ADAM19: variants seen among roughly 807,000 people sequenced by gnomAD.
ADAM19 encodes the protein disintegrin and metalloproteinase domain-containing protein 19.
ADAM19 carries 65 observed loss-of-function variants against 114.7 expected under a neutral mutation model. The observed-to-expected ratio is 0.57, with a 90% CI of 0.46 to 0.70. The LOEUF is 0.70. Ranked by LOEUF, ADAM19 falls within the 30% of genes least tolerant of loss-of-function variation. The probability of loss-of-function intolerance (pLI) is 0.00; values close to 1 mark genes in which losing one functional copy is unlikely to be tolerated. For missense variants in ADAM19, 1,063 were observed against 1,204.7 expected, an observed-to-expected ratio of 0.88 and a Z score of 1.74; for synonymous variants, 466 against 460.5, an observed-to-expected ratio of 1.01 and a Z score of -0.15.
chr5:157,575,730 C>G lies in ADAM19; in HGVS notation c.-34G>C. Reference sequence around the variant, plus strand: ...CGGCCCTTAGCGCTCGGCGCTCACACGCCCTCAGCCATACCTGCCCACTGC... The same window carrying G: ...CGGCCCTTAGCGCTCGGCGCTCACAGGCCCTCAGCCATACCTGCCCACTGC... On this transcript the variant is annotated 5_prime_UTR_variant, in exon 1 of 23. Coordinates refer to ENST00000257527, the MANE Select transcript of ADAM19 (RefSeq NM_033274.5). 1 of 1,283,582 alleles carries G rather than the reference C, an allele frequency of 7.8e-7. No individual in the cohort carries two copies. Among genetic ancestry groups the G allele is most frequent in the Non-Finnish European group, 9.9e-7 (1 of 1,014,086 alleles). 79.5% of individuals were successfully genotyped at this position (1,283,582 alleles called of 1,614,324 possible). A position where few individuals can be genotyped will look rare whatever the true frequency, so the allele number is the denominator to read the frequency against.
In ADAM19 at chr5:157,567,109, A is replaced by C. The variant is rs180689522; in HGVS notation, c.181-2666T>G. On this transcript the variant is annotated intron_variant, in intron 2 of 22. Transcript: ENST00000257527. ...ACCTGTTCTGCCACCTCTGGTTAGA[A>C]GCCTACCTCGTCTAAGCACATTCCC... 1.4e-3 allele frequency among the ~76,000 whole-genome samples: 210 copies of C among 152,320 alleles called. No individual in the cohort carries two copies. In the Middle Eastern group the frequency reaches 0.02, roughly 15 times the overall value.
intron 21 of ADAM19, among the ~76,000 whole-genome samples, chr5:157,487,670 G>A (rs1393705516): frequency 6.6e-6 from 1 of 152,244 alleles, no homozygotes; most frequent in East Asian, 1.9e-4. Flanking sequence ...GCTGGTGGGG[G>A]AGAGTCTAGA....
At chr5:157,514,556 A>G (rs928832084) in intron 7 of ADAM19, among the ~76,000 whole-genome samples, 5 of 151,560 alleles carry the variant, frequency 3.3e-5, no homozygotes, top group Admixed American at 6.6e-5. Flanking sequence ...CAAACTCCTG[A>G]CCTCAAGTGA....
intron 10 of ADAM19, among the ~76,000 whole-genome samples, chr5:157,506,226 G>A (rs894715899): frequency 6.6e-6 from 1 of 152,074 alleles, no homozygotes; most frequent in Non-Finnish European, 1.5e-5. Flanking sequence ...AACCACACAA[G>A]ACAGATACAC....
intron 1 of ADAM19, among the ~76,000 whole-genome samples, chr5:157,571,655 T>C (rs921533720): frequency 2.0e-5 from 3 of 151,928 alleles, no homozygotes; most frequent in Non-Finnish European, 2.9e-5. Flanking sequence ...TGGTGGAGAA[T>C]GGGGGTGGGG....
intron 3 of ADAM19, 112 bp from the exon 4 acceptor site, chr5:157,538,103 C>T (rs1159006820): frequency 1.4e-6 from 1 of 740,612 alleles, no homozygotes; most frequent in African/African-American, 1.8e-5. Flanking sequence ...CATCTCCATA[C>T]AAAAGAAACT....
Position 157,480,471 on chromosome 5 carries a change from A to T in ADAM19, c.*478T>A. The T allele has an allele frequency of 1.0e-6, 1 of 990,916 alleles. No individual in the cohort carries two copies. The highest frequency in any genetic ancestry group is 1.2e-6 in the Non-Finnish European group (1 of 833,532). 61.4% of individuals were successfully genotyped at this position (990,916 alleles called of 1,614,324 possible). On this transcript the variant is annotated 3_prime_UTR_variant, in exon 23 of 23. Transcript: ENST00000257527. ...CTGGCTTGACCCTTCCTTAATCCCT[A>T]AAAGCTAAAAGGGGTGGGTAAGTAC...
At chr5:157,527,282 C>T (rs988063980) in intron 5 of ADAM19, among the ~76,000 whole-genome samples, 8 of 152,256 alleles carry the variant, frequency 5.3e-5, no homozygotes, top group Admixed American at 2.0e-4. Context: ...GCGATTTCAG[C>T]TCACTGCAAG....
chr5:157,481,369 G>A, intron 22 of ADAM19: 1 of 585,170 alleles, frequency 1.7e-6, no homozygotes, highest in Non-Finnish European at 3.0e-6. Flanking sequence ...CAGCCACACA[G>A]AAGAAGTACG....
rs759716195 is a variant in ADAM19 at position 157,480,923 on chromosome 5, G to A, written c.*26C>T. 1.2e-5 allele frequency: 20 copies of A among 1,613,958 alleles called. No homozygotes were observed. The highest frequency in any genetic ancestry group is 1.5e-5 in the Non-Finnish European group (18 of 1,180,016). On this transcript the variant is annotated 3_prime_UTR_variant, in exon 23 of 23. Transcript: ENST00000257527. ...CTCTGCAGTGTCCAGAGAGCTCAAG[G>A]AAAGGGAGAAGCCCCTTGGACAGGT...
rs1486139516 is a variant in ADAM19, at chr5:157,575,761, G to A, written c.-65C>T. ...CAGCCATACCTGCCCACTGCCCGGC[G>A]GTGGAGGCGCGTCTGGAACCCCCCG... On this transcript the variant is annotated 5_prime_UTR_variant, in exon 1 of 23. Transcript: ENST00000257527. The A allele has an allele frequency of 6.0e-6, 7 of 1,173,800 alleles. No individual in the cohort carries two copies. The African/African-American group carries it at 6.4e-5, about 11-fold the overall frequency. The allele number at this position is 1,173,800 out of a possible 1,614,324, so 72.7% of individuals were successfully genotyped here.
At position 157,570,907 on chromosome 5, in the gene ADAM19, G is replaced by A. The variant is rs537105124; in HGVS notation, c.168C>T (p.Pro56=). The A allele has an allele frequency of 2.3e-5, 37 of 1,614,062 alleles. No individual in the cohort carries two copies. The highest frequency in any genetic ancestry group is 6.6e-5 in the South Asian group (6 of 91,070). The change falls in exon 2 of 23, where the codon CCC becomes CCT. Residue 56 remains proline (P), a synonymous_variant. Transcript: ENST00000257527. The stretch of plus-strand genomic sequence containing the variant: ...TTTTGAGTCTTACCTTTTCTCTCAC[G>A]GGGCTTTCTGAAGTCTTCCACTGAG... ...IIPQWKTSES[P]VREKHPLKAE...
At chr5:157,495,362 A>G (rs552758919) in intron 14 of ADAM19, among the ~76,000 whole-genome samples, 1 of 152,236 alleles carries the variant, frequency 6.6e-6, no homozygotes, top group South Asian at 2.1e-4. Context: ...GGAGGGTTGC[A>G]TGCTAAGCCT....
intron 3 of ADAM19, among the ~76,000 whole-genome samples, chr5:157,559,592 C>T (rs1307285736): frequency 6.6e-6 from 1 of 152,146 alleles, no homozygotes; most frequent in African/African-American, 2.4e-5. Context: ...TCCCTGGATG[C>T]CTGCAGCTAA....
At chr5:157,514,606 C>T (rs377557347) in intron 7 of ADAM19, among the ~76,000 whole-genome samples, 2 of 152,120 alleles carry the variant, frequency 1.3e-5, no homozygotes, top group African/African-American at 2.4e-5. Context: ...GGATTACAGG[C>T]GTGAGCCACT....
At chr5:157,520,793 C>T (rs1475694040) in intron 5 of ADAM19, among the ~76,000 whole-genome samples, 1 of 152,200 alleles carries the variant, frequency 6.6e-6, no homozygotes, top group Admixed American at 6.5e-5. Context: ...CACCACCAAG[C>T]ATGAGGGACT....
chr5:157,505,696 C>T lies in ADAM19; in HGVS notation c.1103G>A (p.Gly368Asp), dbSNP rs1341348036. The change falls in exon 11 of 23, where the codon GGT becomes GAT. Residue 368 changes from glycine (G) to aspartate (D), a missense_variant. Physicochemically the swap from Gly to Asp is moderately conservative, Grantham distance 94. Transcript: ENST00000257527. ...AGTGGCAGCTGCCATGATGCACCCA[C>T]CATCAGCCGCACTGGCCGAGCAGCA... ...ADCCSASAADGGCIMAAATGH... is the reference protein window; with the variant it reads ...ADCCSASAADDGCIMAAATGH... 1 of 1,614,026 alleles carries T rather than the reference C, an allele frequency of 6.2e-7. No homozygotes were observed. Among genetic ancestry groups the T allele is most frequent in the African/African-American group, 1.3e-5 (1 of 74,922 alleles).
At chr5:157,560,242 G>A (rs11465272) in intron 3 of ADAM19, among the ~76,000 whole-genome samples, 14,816 of 136,178 alleles carry the variant, frequency 0.11, 966 homozygotes, top group Middle Eastern at 0.27. Context: ...TCCAGCCTGG[G>A]CGACAGAGCG....
At chr5:157,515,375 G>C (rs1423869004) in intron 7 of ADAM19, among the ~76,000 whole-genome samples, 1 of 152,190 alleles carries the variant, frequency 6.6e-6, no homozygotes, top group Non-Finnish European at 1.5e-5. Flanking sequence ...TGCCCAATGA[G>C]ACCACCATAA....
Sources: allele counts gnomAD v4.1 joint callset (sites outside exome capture counted in the v4.1 genomes callset), GRCh38; gene constraint gnomAD v4.1.1; transcripts MANE v1.5; gene names NCBI Gene and HGNC (gene_info 2026-07-23, HGNC 2026-07-21).